Variants in ASB4 observed in about 807,000 individuals in gnomAD.
ASB4 encodes ankyrin repeat and SOCS box containing 4, also known as ankyrin repeat and SOCS box protein 4.
A neutral mutation model predicts 38.6 loss-of-function variants in ASB4; 35 were observed. The ratio of observed to expected loss-of-function variants is 0.91; its 90% confidence interval spans 0.69 to 1.20. ASB4 has a LOEUF of 1.20. Ranked by LOEUF, ASB4 falls within the 50% of genes most tolerant of loss-of-function variation. The pLI, the probability that ASB4 is intolerant of heterozygous loss-of-function variation, is 0.00. For missense variants in ASB4, 557 were observed against 527.2 expected (o/e 1.06, Z -0.55); for synonymous variants, 195 against 201.3 (o/e 0.97, Z 0.26).
upstream of ASB4, among the ~76,000 whole-genome samples, chr7:95,482,869 G>C (rs1470354401): frequency 6.6e-6 from 1 of 152,100 alleles, no homozygotes; most frequent in East Asian, 1.9e-4. Context: ...TTGATGGGAT[G>C]GGGGGTGGTT....
chr7:95,544,907 G>A (rs919959523), downstream of ASB4, among the ~76,000 whole-genome samples: 1 of 152,026 alleles, frequency 6.6e-6, no homozygotes, highest in Non-Finnish European at 1.5e-5. Context: ...TGCTGACCAG[G>A]CTGGTCTCAA....
chr7:95,495,701 G>C, intron 1 of ASB4, 57 bp from the exon 2 acceptor site: 1 of 1,501,610 alleles, frequency 6.7e-7, no homozygotes, highest in Non-Finnish European at 9.0e-7. Flanking sequence ...ACAAAACAGG[G>C]AGAAAGCCTA....
At chr7:95,496,126 C>T in intron 2 of ASB4, 69 bp downstream of exon 2, 1 of 1,415,864 alleles carries the variant, frequency 7.1e-7, no homozygotes, top group Non-Finnish European at 9.7e-7. Context: ...TTTGTGACCC[C>T]TACCTACCCC....
chr7:95,480,266 C>G (rs1790011774), intron 1 of ASB4, among the ~76,000 whole-genome samples: 1 of 152,056 alleles, frequency 6.6e-6, no homozygotes, highest in Non-Finnish European at 1.5e-5. Context: ...TTTGTCTGTT[C>G]CCTTGTAGCC....
intron 2 of ASB4, among the ~76,000 whole-genome samples, chr7:95,506,409 G>T (rs779437038): frequency 1.3e-5 from 2 of 152,064 alleles, no homozygotes; most frequent in Non-Finnish European, 2.9e-5. Flanking sequence ...TGGACCACAA[G>T]TCTTCCTAAA....
At chr7:95,529,622 G>A (rs960464963) in intron 3 of ASB4, among the ~76,000 whole-genome samples, 2 of 152,132 alleles carry the variant, frequency 1.3e-5, no homozygotes, top group African/African-American at 4.8e-5. Context: ...GCTAATGGAA[G>A]ATTAACTAAT....
At chr7:95,488,196 C>T (rs1465832901) in intron 1 of ASB4, among the ~76,000 whole-genome samples, 1 of 152,142 alleles carries the variant, frequency 6.6e-6, no homozygotes, top group African/African-American at 2.4e-5. Context: ...AAAAAATTAG[C>T]CAGGCGCGGT....
intron 2 of ASB4, among the ~76,000 whole-genome samples, chr7:95,515,297 CTTTCTTTCTTT>C (rs1790560261): frequency 1.7e-5 from 2 of 119,988 alleles, no homozygotes; most frequent in Non-Finnish European, 3.5e-5. Context: ...TTCTTTCTTT[CTTTCTTTCTTT>C]CTTTCTTTCT....
At chr7:95,521,768 A>G (rs1486775499) in intron 2 of ASB4, among the ~76,000 whole-genome samples, 1 of 151,476 alleles carries the variant, frequency 6.6e-6, no homozygotes, top group Non-Finnish European at 1.5e-5. Flanking sequence ...CAATGTACGT[A>G]GTTTTTTAAA....
At chr7:95,481,838 G>C (rs772391061), upstream of ASB4, among the ~76,000 whole-genome samples, 7 of 152,186 alleles carry the variant, frequency 4.6e-5, no homozygotes, top group Non-Finnish European at 1.0e-4. Context: ...AAAGGACACT[G>C]TTCTGGACAT....
In ASB4 at chr7:95,495,863, A is replaced by G. The variant is rs769573705; in HGVS notation, c.293A>G (p.Asn98Ser). The G allele has an allele frequency of 6.2e-7, 1 of 1,613,984 alleles. No homozygotes were observed. Among genetic ancestry groups the G allele is most frequent in the Non-Finnish European group, 8.5e-7 (1 of 1,180,008 alleles). ...VECLLVLLDH[N>S]ATINCRPNGK... The stretch of plus-strand genomic sequence containing the variant: ...TGTCTTCTGGTGCTACTGGACCACA[A>G]TGCTACAATCAACTGTAGACCCAAT... Residue 98 changes from asparagine to serine, a missense_variant, in exon 2 of 5, where the codon AAT becomes AGT. Coordinates refer to ENST00000325885, the MANE Select transcript of ASB4 (RefSeq NM_016116.3).
chr7:95,479,912 T>C (rs944924883), intron 1 of ASB4, among the ~76,000 whole-genome samples: 31 of 152,340 alleles, frequency 2.0e-4, no homozygotes, highest in African/African-American at 6.7e-4. Context: ...TTCCTGTTTC[T>C]TGTCTCAGGG....
chr7:95,519,414 CTTAG>C (rs1361623780), intron 2 of ASB4, among the ~76,000 whole-genome samples: 1 of 152,160 alleles, frequency 6.6e-6, no homozygotes, highest in Non-Finnish European at 1.5e-5. Context: ...ATGTAAAACT[CTTAG>C]TGAGTGCTCA....
intron 3 of ASB4, 88 bp from the exon 4 acceptor site, chr7:95,536,349 G>C: frequency 1.3e-6 from 1 of 794,450 alleles, no homozygotes; most frequent in East Asian, 2.7e-5. Context: ...CATGCCCACT[G>C]GTCTGTGAAT....
intron 1 of ASB4, among the ~76,000 whole-genome samples, chr7:95,490,719 C>T (rs533024979): frequency 1.9e-3 from 290 of 152,370 alleles, no homozygotes; most frequent in African/African-American, 6.8e-3. Flanking sequence ...CAAAAGAAGG[C>T]CCAAACACTT....
At chr7:95,472,165 G>A in the ASB4 span, 1 of 152,038 alleles carries the variant, frequency 6.6e-6, no homozygotes, top group African/African-American at 2.4e-5. Context: ...ACCAATGTGT[G>A]GGTGTCCCCA....
At chr7:95,517,308 A>G (rs1790597219) in intron 2 of ASB4, among the ~76,000 whole-genome samples, 1 of 152,178 alleles carries the variant, frequency 6.6e-6, no homozygotes, top group Admixed American at 6.5e-5. Flanking sequence ...TGCTGGGACT[A>G]CAGACGTTAG....
At chr7:95,498,187 T>A (rs1013964083) in intron 2 of ASB4, among the ~76,000 whole-genome samples, 4 of 152,148 alleles carry the variant, frequency 2.6e-5, no homozygotes, top group African/African-American at 7.2e-5. Flanking sequence ...TAAAAAAAAT[T>A]AGGCTGGGCA....
At chr7:95,508,951 T>G (rs912509232) in intron 2 of ASB4, among the ~76,000 whole-genome samples, 2 of 152,122 alleles carry the variant, frequency 1.3e-5, no homozygotes, top group African/African-American at 4.8e-5. Context: ...TGGAGACAGA[T>G]AAATTTCAGA....
Sources: allele counts gnomAD v4.1 joint callset (sites outside exome capture counted in the v4.1 genomes callset), GRCh38; gene constraint gnomAD v4.1.1; transcripts MANE v1.5; gene names NCBI Gene and HGNC (gene_info 2026-07-23, HGNC 2026-07-21).